The following PRRC2C variants were observed in gnomAD, a reference collection of about 807,000 sequenced individuals.
The protein encoded by PRRC2C is proline rich coiled-coil 2C.
PRRC2C carries 72 observed loss-of-function variants against 317.2 expected under a neutral mutation model. The ratio of observed to expected loss-of-function variants is 0.23; its 90% CI spans 0.19 to 0.28. The LOEUF is 0.28. Ranked by LOEUF, PRRC2C falls within the 10% of genes least tolerant of loss-of-function variation. PRRC2C has a pLI of 1.00. For missense variants in PRRC2C, 3,074 were observed against 3,459.7 expected, an observed-to-expected ratio of 0.89 and a Z score of 2.80; for synonymous variants, 1,296 against 1,205.9, an observed-to-expected ratio of 1.07 and a Z score of -1.55.
intron 1 of PRRC2C, among the ~76,000 whole-genome samples, chr1:171,507,636 G>A (rs1213157769): frequency 6.6e-6 from 1 of 151,980 alleles, no homozygotes; most frequent in Non-Finnish European, 1.5e-5. Flanking sequence ...TCTACCTAAT[G>A]CCTGGTGAAG....
At chr1:171,591,373 GTTTTTTT>G in intron 34 of PRRC2C, 1 of 267,996 alleles carries the variant, frequency 3.7e-6, no homozygotes, top group Non-Finnish European at 6.3e-6. Flanking sequence ...TGGTCCTGTG[GTTTTTTT>G]TTTTTTTTTA....
At chr1:171,587,791 T>C (rs769895187) in intron 32 of PRRC2C, 40 bp downstream of exon 32, 1 of 1,445,334 alleles carries the variant, frequency 6.9e-7, no homozygotes, top group African/African-American at 1.4e-5. Context: ...AATTCCAATT[T>C]GGTCACTATT....
At chr1:171,534,993 T>C (rs890883926) in intron 12 of PRRC2C, among the ~76,000 whole-genome samples, 3 of 152,240 alleles carry the variant, frequency 2.0e-5, no homozygotes, top group African/African-American at 7.2e-5. Context: ...ATAGTCCCTT[T>C]ACCCAATAAA....
intron 26 of PRRC2C, 102 bp from the exon 27 acceptor site, chr1:171,579,252 A>T (rs1311416133): frequency 2.1e-6 from 3 of 1,413,844 alleles, no homozygotes; most frequent in Non-Finnish European, 2.8e-6. Flanking sequence ...CAGAGGGTGC[A>T]CTTAATTTGG....
chr1:171,492,328 G>T (rs1213224339), intron 1 of PRRC2C, among the ~76,000 whole-genome samples: 1 of 152,102 alleles, frequency 6.6e-6, no homozygotes, highest in Non-Finnish European at 1.5e-5. Context: ...TGATTAGAAA[G>T]AAAAAATATT....
intron 11 of PRRC2C, among the ~76,000 whole-genome samples, chr1:171,529,399 C>T (rs563049235): frequency 1.5e-4 from 23 of 152,274 alleles, no homozygotes; most frequent in Admixed American, 1.1e-3. Context: ...TAACACACAC[C>T]CCCACCTTTC....
chr1:171,557,208 T>C (rs942925933), intron 18 of PRRC2C, 32 bp from the exon 19 acceptor site: 1 of 1,512,804 alleles, frequency 6.6e-7, no homozygotes, highest in Non-Finnish European at 8.9e-7. Context: ...AGCTGCATTA[T>C]TGACAAAAAT....
chr1:171,550,171 G>A lies in PRRC2C; in HGVS notation c.5058G>A (p.Val1686=). 1.2e-6 allele frequency: 2 copies of A among 1,606,620 alleles called. No homozygotes were observed. The highest frequency in any genetic ancestry group is 1.7e-6 in the Non-Finnish European group (2 of 1,176,078). ...SNLNDDGFTE[V]VSKKQQKRLQ... ...TGAATGATGATGGTTTTACTGAAGTGGTATCCAAAAAACAACAAAAACGTT... is the reference window on the plus strand; with the variant it reads ...TGAATGATGATGGTTTTACTGAAGTAGTATCCAAAAAACAACAAAAACGTT... Residue 1686 remains valine, a synonymous_variant, in exon 18 of 35, where the codon GTG becomes GTA. Transcript: ENST00000647382.
chr1:171,566,767 A>C lies in PRRC2C; in HGVS notation c.6482A>C (p.Lys2161Thr). The change falls in exon 22 of 35, where the codon AAA (lysine) becomes ACA (threonine). Residue 2161 changes from lysine to threonine, a missense_variant. Physicochemically the swap from Lys to Thr is moderately conservative, Grantham distance 78. Around this residue, in one of 11 missense-constraint regions of PRRC2C, gnomAD observed 640 missense variants for 676.1 expected, o/e 0.95. Coordinates refer to ENST00000647382, the MANE Select transcript of PRRC2C (RefSeq NM_001387844.1). Reference protein sequence around the residue: ...STDPVTTKETKAVSEMSTEIG... With the variant: ...STDPVTTKETTAVSEMSTEIG... ...GATCCTGTCACGACAAAGGAGACTAAAGCAGTCTCAGAAATGTCTACTGAA... is the reference window on the plus strand; with the variant it reads ...GATCCTGTCACGACAAAGGAGACTACAGCAGTCTCAGAAATGTCTACTGAA... 1 of 1,613,844 alleles carries C rather than the reference A, an allele frequency of 6.2e-7. No individual in the cohort carries two copies. The highest frequency in any genetic ancestry group is 1.3e-5 in the African/African-American group (1 of 75,060).
intron 19 of PRRC2C, among the ~76,000 whole-genome samples, chr1:171,559,163 A>T (rs183894289): frequency 6.6e-6 from 1 of 152,362 alleles, no homozygotes; most frequent in African/African-American, 2.4e-5. Context: ...TGCAAGGCAA[A>T]GCAGCAAGTT....
At chr1:171,503,515 C>T (rs2102161696) in intron 1 of PRRC2C, among the ~76,000 whole-genome samples, 1 of 150,758 alleles carries the variant, frequency 6.6e-6, no homozygotes, top group South Asian at 2.1e-4. Flanking sequence ...CAGAGTGAGA[C>T]TCCATCTCAA....
At chr1:171,549,958 C>G in intron 17 of PRRC2C, 128 bp from the exon 18 acceptor site, 1 of 644,906 alleles carries the variant, frequency 1.6e-6, no homozygotes, top group Non-Finnish European at 2.4e-6. Context: ...AGGTTATACA[C>G]TATAAGTTAT....
chr1:171,566,789 T>G lies in PRRC2C; in HGVS notation c.6504T>G (p.Thr2168=), dbSNP rs1270561162. The G allele has an allele frequency of 1.9e-6, 3 of 1,613,776 alleles. No individual in the cohort carries two copies. The highest frequency in any genetic ancestry group is 2.5e-6 in the Non-Finnish European group (3 of 1,179,836). ...CTAAAGCAGTCTCAGAAATGTCTAC[T>G]GAAATAGGAACAATGATCTCGGTAT... ...KETKAVSEMS[T]EIGTMISVSS... is the part of the protein sequence containing the mutation. The change falls in exon 22 of 35, where the codon ACT becomes ACG. Residue 2168 remains threonine, a synonymous_variant. Transcript: ENST00000647382.
chr1:171,535,712 A>G (rs1042803643), intron 13 of PRRC2C, 115 bp downstream of exon 13: 8 of 1,271,162 alleles, frequency 6.3e-6, no homozygotes, highest in African/African-American at 3.0e-5. Flanking sequence ...TTCCCTTGAA[A>G]TTATTTTTCC....
At chr1:171,492,063 G>T (rs1667253522) in intron 1 of PRRC2C, among the ~76,000 whole-genome samples, 1 of 152,114 alleles carries the variant, frequency 6.6e-6, no homozygotes, top group South Asian at 2.1e-4. Flanking sequence ...AACAAAGGAG[G>T]CTTTAGACAG....
chr1:171,545,640 A>G lies in PRRC2C; in HGVS notation c.4925A>G (p.Lys1642Arg), dbSNP rs1195539364. Residue 1642 changes from lysine (K) to arginine (R), a missense_variant, in exon 17 of 35, where the codon AAA (lysine) becomes AGA (arginine). Physicochemically the swap from Lys to Arg is conservative, Grantham distance 26 (BLOSUM62 2). Coordinates refer to ENST00000647382, the MANE Select transcript of PRRC2C (RefSeq NM_001387844.1). ...EDPKPGPKKP[K>R]EKVDALSQFD... ...CCCAAACCAGGCCCTAAAAAACCAA[A>G]AGAGAAAGTGGATGCTCTATCACAG... 3 of 1,613,198 alleles carry G rather than the reference A, an allele frequency of 1.9e-6. No individual in the cohort carries two copies. The highest frequency in any genetic ancestry group is 2.7e-5 in the African/African-American group (2 of 74,896).
rs753029605 is a variant in PRRC2C, at chr1:171,566,286, G to T, written c.6171G>T (p.Gln2057His). 1 of 1,611,452 alleles carries T rather than the reference G, an allele frequency of 6.2e-7. No homozygotes were observed. Among genetic ancestry groups the T allele is most frequent in the Non-Finnish European group, 8.5e-7 (1 of 1,178,870 alleles). The change falls in exon 21 of 35, where the codon CAG (glutamine) becomes CAT (histidine). Residue 2057 changes from glutamine (Q) to histidine (H), a missense_variant. Physicochemically the swap from Gln to His is conservative, Grantham distance 24. Around this residue, in one of 11 missense-constraint regions of PRRC2C, gnomAD observed 640 missense variants for 676.1 expected, o/e 0.95. Transcript: ENST00000647382. ...TCGAAATTGGAACTGACACAATTCA[G>T]TTTGGTGCTCCAGCCTCAAATGGAA... The part of the protein sequence containing the change: ...SGLEIGTDTI[Q>H]FGAPASNGNE...
At position 171,593,285 on chromosome 1, in the gene PRRC2C, T is replaced by A. The variant is rs905418345; in HGVS notation, c.*1438T>A. The A allele has an allele frequency of 6.7e-5, 10 of 148,486 alleles. No individual in the cohort carries two copies. The South Asian group carries it at 1.3e-3, about 19-fold the overall frequency. The allele number at this position is 148,486 out of a possible 1,614,324, so 9.2% of individuals were successfully genotyped here. A position where few individuals can be genotyped will look rare whatever the true frequency, so the allele number is the denominator to read the frequency against. Reference sequence around the variant, plus strand: ...ATATATATATATACATATATATATATAATTTGAATTTTTGGAAACTTTAGC... The same window carrying A: ...ATATATATATATACATATATATATAAAATTTGAATTTTTGGAAACTTTAGC... On this transcript the variant is annotated 3_prime_UTR_variant, in exon 35 of 35. Transcript: ENST00000647382.
At position 171,584,675 on chromosome 1, in the gene PRRC2C, G is replaced by A. The variant is rs555752223; in HGVS notation, c.7749+149G>A. On this transcript the variant is annotated intron_variant, in intron 30 of 34. Coordinates refer to ENST00000647382, the MANE Select transcript of PRRC2C (RefSeq NM_001387844.1). ...TGAGATGTCCTGAAGAATTCCACTGGGTCCACGTAGAAGGGGTTTCAGGCT... is the reference window on the plus strand; with the variant it reads ...TGAGATGTCCTGAAGAATTCCACTGAGTCCACGTAGAAGGGGTTTCAGGCT... 4.4e-6 allele frequency: 4 copies of A among 903,290 alleles called. No individual in the cohort carries two copies. In the South Asian group the frequency reaches 8.5e-5, roughly 19 times the overall value. 56.0% of individuals were successfully genotyped at this position (903,290 alleles called of 1,614,324 possible). A position where few individuals can be genotyped will look rare whatever the true frequency, so the allele number is the denominator to read the frequency against.
Sources: allele counts gnomAD v4.1 joint callset (sites outside exome capture counted in the v4.1 genomes callset), GRCh38; gene constraint gnomAD v4.1.1; regional missense constraint gnomAD v4.1.1; transcripts MANE v1.5; gene names NCBI Gene and HGNC (gene_info 2026-07-23, HGNC 2026-07-21).